Variants in KIAA2012 observed in about 807,000 individuals in gnomAD.
KIAA2012 encodes uncharacterized protein KIAA2012.
Under a neutral mutation model 150.6 loss-of-function variants are expected in KIAA2012, and 125 were observed. That is an observed-to-expected ratio of 0.83 (90% confidence interval 0.72 to 0.96). KIAA2012 has a LOEUF of 0.96. KIAA2012 is among the 40% of genes least tolerant of loss of function. The pLI, the probability that KIAA2012 is intolerant of heterozygous loss-of-function variation, is 0.00. For synonymous variants in KIAA2012, 462 were observed against 504.7 expected (o/e 0.92, Z 1.13); for missense variants, 1,219 against 1,354.9 (o/e 0.90, Z 1.57).
intron 15 of KIAA2012, among the ~76,000 whole-genome samples, chr2:202,173,565 A>G (rs149585941): frequency 0.047 from 7,182 of 152,244 alleles, 570 homozygotes; most frequent in African/African-American, 0.16. Flanking sequence ...ACGAAACTCC[A>G]TCTCAAAAAA....
intron 2 of KIAA2012, among the ~76,000 whole-genome samples, chr2:202,087,500 G>A (rs1051571337): frequency 1.2e-4 from 8 of 65,624 alleles, no homozygotes; most frequent in African/African-American, 3.8e-4. Flanking sequence ...TTGACAAAGC[G>A]AAACCATCTC....
chr2:202,177,151 A>G (rs896096627), intron 15 of KIAA2012, among the ~76,000 whole-genome samples: 1 of 152,182 alleles, frequency 6.6e-6, no homozygotes, highest in African/African-American at 2.4e-5. Flanking sequence ...ATCCCAAAAG[A>G]CTTATTAAGG....
In KIAA2012 at chr2:202,104,284, A is replaced by C. The variant is rs979194774; in HGVS notation, c.1324+1170A>C. 6.6e-6 allele frequency among the ~76,000 whole-genome samples: 1 copy of C among 152,230 alleles called. No homozygotes were observed. Among genetic ancestry groups the C allele is most frequent in the African/African-American group, 2.4e-5 (1 of 41,450 alleles). ...AAAAAAAATTACTCAGCTCCCTAAA[A>C]AAAATAATAATAATAAATAAAATCA... On this transcript the variant is annotated intron_variant, in intron 8 of 23. Transcript: ENST00000498697. The surrounding 1 kb of genome is among the most constrained non-coding windows in gnomAD (Gnocchi z 4.3).
chr2:202,091,176 G>C (rs557525128), intron 3 of KIAA2012, among the ~76,000 whole-genome samples: 1 of 152,342 alleles, frequency 6.6e-6, no homozygotes, highest in East Asian at 1.9e-4. Context: ...GCCCTCAGCA[G>C]CCTCACATGC....
intron 15 of KIAA2012, among the ~76,000 whole-genome samples, chr2:202,182,392 A>G (rs1482480040): frequency 6.6e-6 from 1 of 152,156 alleles, no homozygotes; most frequent in East Asian, 1.9e-4. Context: ...GATTACAGGC[A>G]TGAGCCCCCA....
chr2:202,190,978 C>T (rs1385840209), intron 19 of KIAA2012, among the ~76,000 whole-genome samples: 2 of 152,154 alleles, frequency 1.3e-5, no homozygotes, highest in Non-Finnish European at 2.9e-5. Context: ...CATATACCTG[C>T]TTTTACAAGA....
At chr2:202,097,732 G>T (rs569636309) in intron 5 of KIAA2012, among the ~76,000 whole-genome samples, 155 bp downstream of exon 5, 1 of 152,188 alleles carries the variant, frequency 6.6e-6, no homozygotes, top group South Asian at 2.1e-4. Context: ...TGGGACTACA[G>T]GTAAGCACCT....
At chr2:202,185,028 T>C (rs1020943268) in intron 16 of KIAA2012, among the ~76,000 whole-genome samples, 185 bp downstream of exon 16, 17 of 152,190 alleles carry the variant, frequency 1.1e-4, no homozygotes, top group African/African-American at 4.1e-4. Flanking sequence ...TATTGTGATA[T>C]GTTTCCTACC....
chr2:202,197,566 G>A (rs769195302), intron 22 of KIAA2012: 1 of 156,560 alleles, frequency 6.4e-6, no homozygotes, highest in Non-Finnish European at 1.4e-5. Context: ...AAAATTTAAC[G>A]ATGTGATAGG....
intron 15 of KIAA2012, among the ~76,000 whole-genome samples, chr2:202,174,245 A>G (rs1446912173): frequency 6.6e-6 from 1 of 152,168 alleles, no homozygotes; most frequent in African/African-American, 2.4e-5. Flanking sequence ...GATTACAGGC[A>G]TGCGGCACTG....
chr2:202,137,362 G>A (rs1406195593), intron 12 of KIAA2012: 1 of 147,792 alleles, frequency 6.8e-6, no homozygotes, highest in African/African-American at 2.5e-5. Flanking sequence ...TGTCACCCAG[G>A]CTGGAGTGCA....
chr2:202,147,762 A>C (rs1691331428), intron 13 of KIAA2012, among the ~76,000 whole-genome samples: 1 of 152,124 alleles, frequency 6.6e-6, no homozygotes, highest in Non-Finnish European at 1.5e-5. Flanking sequence ...GTCCCACCAG[A>C]CCCAACAAAA....
intron 2 of KIAA2012, among the ~76,000 whole-genome samples, chr2:202,087,241 G>A (rs1271142404): frequency 6.6e-6 from 1 of 152,090 alleles, no homozygotes; most frequent in East Asian, 1.9e-4. Context: ...GCTGGGCATG[G>A]TGACTCACGC....
chr2:202,183,599 G>A (rs1177705300), intron 15 of KIAA2012, among the ~76,000 whole-genome samples: 1 of 151,042 alleles, frequency 6.6e-6, no homozygotes, highest in Admixed American at 6.6e-5. Flanking sequence ...CACCTCCCAG[G>A]TTCAAGCTAT....
At chr2:202,132,066 C>T (rs1690944583) in intron 12 of KIAA2012, among the ~76,000 whole-genome samples, 2 of 152,220 alleles carry the variant, frequency 1.3e-5, no homozygotes, top group South Asian at 4.1e-4. Flanking sequence ...ATCTCAGCTA[C>T]TCGGGAGGCT....
At chr2:202,125,119 C>A in intron 11 of KIAA2012, 95 bp from the exon 12 acceptor site, 1 of 958,772 alleles carries the variant, frequency 1.0e-6, no homozygotes, top group Non-Finnish European at 1.6e-6. Context: ...AACACTGAGG[C>A]AATCACTTCA....
intron 13 of KIAA2012, among the ~76,000 whole-genome samples, chr2:202,150,964 G>A (rs1181953240): frequency 1.3e-5 from 2 of 152,156 alleles, no homozygotes; most frequent in Admixed American, 6.5e-5. Context: ...GCAAGTGTCA[G>A]TTTTGATTGC....
At chr2:202,140,223 G>A (rs79339749) in intron 13 of KIAA2012, among the ~76,000 whole-genome samples, 6,336 of 151,942 alleles carry the variant, frequency 0.042, 423 homozygotes, top group East Asian at 0.26. Context: ...GCAAGACTCC[G>A]TCTCAAAAAA....
intron 15 of KIAA2012, among the ~76,000 whole-genome samples, chr2:202,176,203 CTT>C (rs5837808): frequency 4.5e-4 from 65 of 145,686 alleles, no homozygotes; most frequent in Non-Finnish European, 5.5e-4. Context: ...ATTGATAAAT[CTT>C]TTTTTTTTTT....
Sources: gnomAD v4.1 joint callset for allele counts (sites outside exome capture counted in the v4.1 genomes callset) on GRCh38, gnomAD v4.1.1 for gene constraint, Gnocchi (gnomAD v3.1) non-coding constraint, MANE v1.5 for transcripts, NCBI Gene and HGNC (gene_info 2026-07-23, HGNC 2026-07-21) for gene names.